The following FKBP5 variants were observed in gnomAD, a reference collection of about 807,000 sequenced individuals.
FKBP5 encodes the protein peptidyl-prolyl cis-trans isomerase FKBP5.
FKBP5 carries 23 observed loss-of-function variants against 50.5 expected under a neutral mutation model. The ratio of observed to expected loss-of-function variants is 0.46; its 90% CI spans 0.33 to 0.65. FKBP5 has a LOEUF of 0.65. Among genes scored for constraint, FKBP5 ranks in the 30% least tolerant of loss-of-function variants. The pLI, the probability that FKBP5 is intolerant of heterozygous loss-of-function variation, is 0.02. For missense variants in FKBP5, 411 were observed against 553.1 expected (o/e 0.74, Z 2.58); for synonymous variants, 176 against 190.6 (o/e 0.92, Z 0.63).
chr6:35,585,587 C>T (rs1256627370), intron 8 of FKBP5: 4 of 984,842 alleles, frequency 4.1e-6, no homozygotes, highest in African/African-American at 1.7e-5. Context: ...TATCATACCC[C>T]CATGCTTTCT....
At chr6:35,691,786 T>G (rs1765992780), upstream of FKBP5, among the ~76,000 whole-genome samples, 1 of 152,186 alleles carries the variant, frequency 6.6e-6, no homozygotes, top group African/African-American at 2.4e-5. Context: ...TGCAGATACC[T>G]GGATGTGGGA....
chr6:35,648,587 A>AT (rs1359028112), intron 1 of FKBP5, among the ~76,000 whole-genome samples: 10 of 152,204 alleles, frequency 6.6e-5, no homozygotes, highest in East Asian at 5.8e-4. Context: ...GCCTGATGGA[A>AT]TTTTTACAAC....
At position 35,608,879 on chromosome 6, in the gene FKBP5, C is replaced by T. The variant is rs897577320; in HGVS notation, c.508+10217G>A. ...GTGGTACAATCTTGGCTCACTGCCA[C>T]CTCTGTCTCCTGGGTTCAAGTGATT... On this transcript the variant is annotated intron_variant, in intron 5 of 10. Transcript: ENST00000357266. Among the ~76,000 whole-genome samples the T allele has an allele frequency of 5.9e-5, 9 of 152,130 alleles. No homozygotes were observed. The East Asian group carries it at 1.7e-3, about 29-fold the overall frequency.
chr6:35,615,155 TACAC>T (rs34301531), intron 5 of FKBP5, among the ~76,000 whole-genome samples: 7,715 of 143,508 alleles, frequency 0.054, 385 homozygotes, highest in African/African-American at 0.14. Context: ...CAACAACAAC[TACAC>T]ACACACACAC....
At chr6:35,662,773 T>C (rs776231800) in intron 1 of FKBP5, among the ~76,000 whole-genome samples, 2 of 152,186 alleles carry the variant, frequency 1.3e-5, no homozygotes, top group Non-Finnish European at 2.9e-5. Flanking sequence ...CCCTTAGTTG[T>C]TTGAAAGCCA....
intron 1 of FKBP5, among the ~76,000 whole-genome samples, chr6:35,667,029 G>GTGTGTGTGTC (rs1765253708): frequency 2.8e-5 from 1 of 35,278 alleles, no homozygotes; most frequent in South Asian, 7.4e-4. Context: ...CTGTGTGTGT[G>GTGTGTGTGTC]TGTGTGTGTG....
chr6:35,711,582 T>C (rs1766413884), intron 2 of FKBP5, among the ~76,000 whole-genome samples: 1 of 149,746 alleles, frequency 6.7e-6, no homozygotes, highest in Non-Finnish European at 1.5e-5. Flanking sequence ...CGTGCCACTG[T>C]GCTCCAGCCT....
chr6:35,651,560 A>C (rs991364928), intron 1 of FKBP5, among the ~76,000 whole-genome samples: 2 of 152,196 alleles, frequency 1.3e-5, no homozygotes, highest in Non-Finnish European at 2.9e-5. Context: ...CACAATAATT[A>C]AGATAAAAAG....
chr6:35,700,958 A>G (rs1172942039), intron 2 of FKBP5, among the ~76,000 whole-genome samples: 2 of 152,096 alleles, frequency 1.3e-5, no homozygotes, highest in African/African-American at 4.8e-5. Context: ...GACTCCATCT[A>G]AAAAATAAAT....
intron 5 of FKBP5, among the ~76,000 whole-genome samples, chr6:35,604,214 T>C (rs569207252): frequency 6.7e-6 from 1 of 148,750 alleles, no homozygotes; most frequent in East Asian, 2.0e-4. Context: ...CTCACCATGT[T>C]GCCAGGCTGG....
intron 8 of FKBP5, chr6:35,582,678 C>T: frequency 1.0e-6 from 1 of 985,244 alleles, no homozygotes; most frequent in Non-Finnish European, 1.2e-6. Flanking sequence ...CAAGCTAAGA[C>T]AATACTTAAA....
Position 35,660,264 on chromosome 6 carries a change from ATTTTTT to A in FKBP5, c.-19-17427_-19-17422del, listed in dbSNP as rs773891773. ...AAGTCACTTTAAATGCATTGATGCT[ATTTTTT>A]TTTTTTTTTTTTTTTGAGACGGAGT... On this transcript the variant is annotated intron_variant, in intron 1 of 10. Coordinates refer to ENST00000357266, the MANE Select transcript of FKBP5 (RefSeq NM_004117.4). Among the ~76,000 whole-genome samples, 4 of 46,714 alleles carry A rather than the reference ATTTTTT, an allele frequency of 8.6e-5. 1 individual carries two copies. Among genetic ancestry groups the A allele is most frequent in the African/African-American group, 3.0e-4 (4 of 13,460 alleles). 30.6% of individuals were successfully genotyped at this position (46,714 alleles called of 152,430 possible). A position where few individuals can be genotyped will look rare whatever the true frequency, so the allele number is the denominator to read the frequency against.
chr6:35,632,403 A>T (rs1477662584), intron 3 of FKBP5, among the ~76,000 whole-genome samples: 1 of 152,168 alleles, frequency 6.6e-6, no homozygotes, highest in African/African-American at 2.4e-5. Flanking sequence ...AAAACCAGTG[A>T]AAAATCCTAA....
At chr6:35,683,120 A>ATATGTGTGTG (rs1765724073) in intron 1 of FKBP5, among the ~76,000 whole-genome samples, 1 of 80,650 alleles carries the variant, frequency 1.2e-5, no homozygotes, top group Non-Finnish European at 2.5e-5. Flanking sequence ...ATATACGTAT[A>ATATGTGTGTG]TGTGTGTGTG....
intron 5 of FKBP5, among the ~76,000 whole-genome samples, chr6:35,602,843 C>G (rs138232876): frequency 2.0e-5 from 3 of 152,256 alleles, no homozygotes; most frequent in African/African-American, 7.2e-5. Context: ...CAAATGATTT[C>G]TTTTGGTTGA....
At chr6:35,665,202 TTAAA>T (rs1402528500) in intron 1 of FKBP5, among the ~76,000 whole-genome samples, 9 of 152,112 alleles carry the variant, frequency 5.9e-5, no homozygotes, top group Admixed American at 3.9e-4. Context: ...TTCATGGACC[TTAAA>T]TAGTGTTCCA....
At chr6:35,620,092 A>G (rs906316133) in intron 4 of FKBP5, 40 bp downstream of exon 4, 1 of 1,613,078 alleles carries the variant, frequency 6.2e-7, no homozygotes, top group African/African-American at 1.3e-5. Context: ...TTCCTATTGT[A>G]GAGCAGATGC....
At chr6:35,701,753 C>T (rs1256833375) in intron 2 of FKBP5, among the ~76,000 whole-genome samples, 1 of 151,980 alleles carries the variant, frequency 6.6e-6, no homozygotes, top group East Asian at 1.9e-4. Flanking sequence ...GTTGCCCAGG[C>T]TGGTCTCGAA....
At chr6:35,714,123 A>G (rs912145482) in intron 2 of FKBP5, among the ~76,000 whole-genome samples, 2 of 150,922 alleles carry the variant, frequency 1.3e-5, no homozygotes, top group African/African-American at 2.4e-5. Context: ...CAGGTCCTTA[A>G]GGGGTTATGA....
Sources: gnomAD v4.1 joint callset for allele counts (sites outside exome capture counted in the v4.1 genomes callset) on GRCh38, gnomAD v4.1.1 for gene constraint, MANE v1.5 for transcripts, NCBI Gene and HGNC (gene_info 2026-07-23, HGNC 2026-07-21) for gene names.